The following CELF5 variants were observed in gnomAD, a reference collection of about 807,000 sequenced individuals.
The protein encoded by CELF5 is CUGBP Elav-like family member 5, also known as CUG-BP and ETR-3 like factor 5.
CELF5 carries 6 observed loss-of-function variants against 54.9 expected under a neutral mutation model. The observed-to-expected ratio is 0.11, with a 90% CI of 0.06 to 0.22. The LOEUF is 0.22. CELF5 is among the 10% of genes least tolerant of loss of function. The probability of loss-of-function intolerance (pLI) is 1.00; values close to 1 mark genes in which losing one functional copy is unlikely to be tolerated. For synonymous variants in CELF5, 271 were observed against 290.9 expected (o/e 0.93, Z 0.70); for missense variants, 401 against 678.6 (o/e 0.59, Z 4.54).
chr19:3,286,136 C>A lies in CELF5; in HGVS notation c.1186+111C>A, dbSNP rs1428630204. On this transcript the variant is annotated intron_variant, in intron 10 of 12. Coordinates refer to ENST00000292672, the MANE Select transcript of CELF5 (RefSeq NM_021938.4). ...TCTGGGACCCGCGGGGCTGAGAGTG[C>A]GGCCTGGGGGCTGGACAGGCCAGAG... is the stretch of plus-strand genomic sequence containing the variant. The A allele has an allele frequency of 8.4e-6, 8 of 951,868 alleles. No individual in the cohort carries two copies. The East Asian group carries it at 2.5e-4, about 30-fold the overall frequency. 59.0% of individuals were successfully genotyped at this position (951,868 alleles called of 1,614,324 possible). A position where few individuals can be genotyped will look rare whatever the true frequency, so the allele number is the denominator to read the frequency against.
chr19:3,245,498 C>T (rs952410516), intron 1 of CELF5, among the ~76,000 whole-genome samples: 1 of 150,770 alleles, frequency 6.6e-6, no homozygotes, highest in African/African-American at 2.4e-5. Context: ...AAATGTTGCT[C>T]AGGGCACCTA....
chr19:3,228,808 A>G lies in CELF5; in HGVS notation c.259+3810A>G, dbSNP rs1917092953. ...GGCCTGGCGGGGGGACCGCGGGAGC[A>G]GTTGGCACCCCTGGTGGTGGCGGGG... On this transcript the variant is annotated intron_variant, in intron 1 of 12. Transcript: ENST00000292672. The surrounding 1 kb of genome is among the most constrained non-coding windows in gnomAD (Gnocchi z 6.0). Among the ~76,000 whole-genome samples the G allele has an allele frequency of 7.0e-6, 1 of 142,448 alleles. No individual in the cohort carries two copies. The highest frequency in any genetic ancestry group is 2.2e-4 in the South Asian group (1 of 4,536). The allele number at this position is 142,448 out of a possible 152,430, so 93.5% of individuals were successfully genotyped here.
chr19:3,293,695 TG>T (rs1242774237), intron 12 of CELF5: 1 of 491,720 alleles, frequency 2.0e-6, no homozygotes, highest in Admixed American at 3.3e-5. Flanking sequence ...AGGGTGGGAA[TG>T]GGGTAGGGAC....
At chr19:3,225,826 G>A (rs768952703) in intron 1 of CELF5, among the ~76,000 whole-genome samples, 17 of 150,752 alleles carry the variant, frequency 1.1e-4, no homozygotes, top group Non-Finnish European at 3.0e-5. Context: ...GAGCCTCTTA[G>A]CAATGTGTTG....
chr19:3,233,515 A>G (rs1022959191), intron 1 of CELF5, among the ~76,000 whole-genome samples: 2 of 152,134 alleles, frequency 1.3e-5, no homozygotes, highest in African/African-American at 4.8e-5. Flanking sequence ...CTAGGAGGTG[A>G]CGTTTGAGAC....
At chr19:3,235,509 G>GATGAATGA (rs1917503545) in intron 1 of CELF5, among the ~76,000 whole-genome samples, 2 of 588 alleles carry the variant, frequency 3.4e-3, no homozygotes, top group African/African-American at 6.6e-3. Context: ...TGGGTGGGTG[G>GATGAATGA]ATGGATGGAT....
At chr19:3,261,676 C>T (rs1363473396) in intron 2 of CELF5, among the ~76,000 whole-genome samples, 4 of 151,776 alleles carry the variant, frequency 2.6e-5, no homozygotes, top group Non-Finnish European at 5.9e-5. Flanking sequence ...TAAAAACTAC[C>T]TGGGCATGGT....
At chr19:3,256,527 G>A (rs998504605) in intron 2 of CELF5, among the ~76,000 whole-genome samples, 2 of 147,052 alleles carry the variant, frequency 1.4e-5, no homozygotes, top group Admixed American at 7.0e-5. Flanking sequence ...TCAGGACGGA[G>A]GTTTCATTTA....
intron 2 of CELF5, among the ~76,000 whole-genome samples, chr19:3,269,934 G>A (rs12973090): frequency 2.6e-5 from 4 of 152,136 alleles, no homozygotes; most frequent in Non-Finnish European, 5.9e-5. Flanking sequence ...CTGTAAAATG[G>A]AAATGCATGT....
intron 1 of CELF5, among the ~76,000 whole-genome samples, chr19:3,237,517 G>T (rs1270450492): frequency 6.6e-6 from 1 of 151,996 alleles, no homozygotes; most frequent in African/African-American, 2.4e-5. Flanking sequence ...ATTTGCAGAC[G>T]TTGCCATGGC....
In CELF5 at chr19:3,290,389, A is replaced by G; in HGVS notation, c.1330+15A>G. On this transcript the variant is annotated intron_variant, in intron 11 of 12. Transcript: ENST00000292672. Reference sequence around the variant, plus strand: ...CAAGTGTTTCGGTGAGTGGCCGCCGACGCCACCCCTCCCCATCCACCTCCC... The same window carrying G: ...CAAGTGTTTCGGTGAGTGGCCGCCGGCGCCACCCCTCCCCATCCACCTCCC... 6.2e-7 allele frequency: 1 copy of G among 1,611,014 alleles called. No individual in the cohort carries two copies. The highest frequency in any genetic ancestry group is 8.5e-7 in the Non-Finnish European group (1 of 1,178,008).
intron 2 of CELF5, among the ~76,000 whole-genome samples, chr19:3,261,457 G>C (rs2079805740): frequency 6.6e-6 from 1 of 151,820 alleles, no homozygotes; most frequent in African/African-American, 2.4e-5. Context: ...ATCTGTGAGA[G>C]AACAATATAC....
chr19:3,236,047 G>A (rs113911508), intron 1 of CELF5, among the ~76,000 whole-genome samples: 5 of 152,286 alleles, frequency 3.3e-5, no homozygotes, highest in African/African-American at 1.2e-4. Context: ...GCTGTGGAGA[G>A]GAGCAGGCAG....
chr19:3,294,281 A>C (rs891207), intron 12 of CELF5: 83,677 of 151,924 alleles, frequency 0.55, 24,355 homozygotes, highest in Middle Eastern at 0.71. Flanking sequence ...TCATCTGTAA[A>C]ATGGGTTCAA....
chr19:3,245,117 A>T (rs1048675317), intron 1 of CELF5, among the ~76,000 whole-genome samples: 2 of 125,104 alleles, frequency 1.6e-5, no homozygotes, highest in African/African-American at 6.3e-5. Flanking sequence ...GCACCTGTGC[A>T]TGTGTGTGTG....
chr19:3,264,799 C>G (rs781319416), intron 2 of CELF5, among the ~76,000 whole-genome samples: 2 of 151,846 alleles, frequency 1.3e-5, no homozygotes, highest in Admixed American at 1.3e-4. Flanking sequence ...TCACTGCAAC[C>G]TCTGCCTCCC....
intron 1 of CELF5, among the ~76,000 whole-genome samples, chr19:3,248,597 G>A (rs1484819808): frequency 6.6e-6 from 1 of 152,114 alleles, no homozygotes; most frequent in Admixed American, 6.6e-5. Flanking sequence ...CGACCGTATT[G>A]TATCGATCCC....
chr19:3,290,692 T>C (rs2080330587), intron 11 of CELF5, among the ~76,000 whole-genome samples: 1 of 150,684 alleles, frequency 6.6e-6, no homozygotes, highest in Admixed American at 6.6e-5. Flanking sequence ...GCCTCCTAAG[T>C]AGCTGGGACT....
At chr19:3,290,173 CGGGG>C (rs571819958) in intron 10 of CELF5, 54 bp from the exon 11 acceptor site, 1 of 1,487,604 alleles carries the variant, frequency 6.7e-7, no homozygotes, top group South Asian at 1.1e-5. Flanking sequence ...GCCCCTCCCC[CGGGG>C]GGGTTCGCCT....
Sources: allele counts gnomAD v4.1 joint callset (sites outside exome capture counted in the v4.1 genomes callset), GRCh38; gene constraint gnomAD v4.1.1; non-coding constraint Gnocchi (gnomAD v3.1); transcripts MANE v1.5; gene names NCBI Gene and HGNC (gene_info 2026-07-23, HGNC 2026-07-21).